The following CCSER1 variants were observed in gnomAD, a reference collection of about 807,000 sequenced individuals.
CCSER1 encodes serine-rich coiled-coil domain-containing protein 1.
A neutral mutation model predicts 82.0 loss-of-function variants in CCSER1; 41 were observed. That is an observed-to-expected ratio of 0.50 (90% CI 0.39 to 0.65). CCSER1 has a LOEUF of 0.65. Ranked by LOEUF, CCSER1 falls within the 30% of genes least tolerant of loss-of-function variation. The pLI is 0.00. For synonymous variants in CCSER1, 414 were observed against 383.9 expected (o/e 1.08, Z -0.92); for missense variants, 1,119 against 1,064.2 (o/e 1.05, Z -0.72).
chr4:90,325,686 G>GT (rs1424278175), intron 3 of CCSER1: 10 of 440,318 alleles, frequency 2.3e-5, no homozygotes, highest in Middle Eastern at 3.3e-4. Context: ...CTGTTCTGAG[G>GT]TGACAGTCAC....
At chr4:90,241,830 A>G (rs978521172) in intron 1 of CCSER1, among the ~76,000 whole-genome samples, 17 of 152,234 alleles carry the variant, frequency 1.1e-4, no homozygotes, top group Non-Finnish European at 2.5e-4. Context: ...AAAATAGGTG[A>G]TGCTATAAAA....
intron 10 of CCSER1, among the ~76,000 whole-genome samples, chr4:91,332,348 C>A (rs925925887): frequency 6.6e-6 from 1 of 151,632 alleles, no homozygotes; most frequent in African/African-American, 2.4e-5. Context: ...GGAGTGCTTA[C>A]AAACCCTGTG....
At chr4:90,146,790 G>A (rs1408692982) in intron 1 of CCSER1, among the ~76,000 whole-genome samples, 1 of 151,938 alleles carries the variant, frequency 6.6e-6, no homozygotes, top group African/African-American at 2.4e-5. Context: ...TTGAAGATGT[G>A]GCATTACTTT....
intron 9 of CCSER1, among the ~76,000 whole-genome samples, chr4:90,985,439 A>G (rs1028210860): frequency 6.6e-6 from 1 of 151,766 alleles, no homozygotes; most frequent in Admixed American, 6.6e-5. Flanking sequence ...CAAAACTGTA[A>G]AGGGCTAATG....
At chr4:91,274,949 CA>C (rs36102296) in intron 10 of CCSER1, among the ~76,000 whole-genome samples, 7 of 151,254 alleles carry the variant, frequency 4.6e-5, no homozygotes, top group Admixed American at 1.3e-4. Flanking sequence ...ACTAAAAATA[CA>C]AAAAAAATAG....
At chr4:91,081,022 A>T (rs1304284560) in intron 9 of CCSER1, among the ~76,000 whole-genome samples, 1 of 152,236 alleles carries the variant, frequency 6.6e-6, no homozygotes, top group Non-Finnish European at 1.5e-5. Flanking sequence ...TATTCCAATC[A>T]ATAGAAAAAG....
At chr4:91,571,717 G>A (rs1228225480) in intron 10 of CCSER1, among the ~76,000 whole-genome samples, 1 of 152,138 alleles carries the variant, frequency 6.6e-6, no homozygotes, top group African/African-American at 2.4e-5. Context: ...TTTGAGTGGG[G>A]ACACAGCTAA....
intron 9 of CCSER1, among the ~76,000 whole-genome samples, chr4:90,979,896 C>T (rs2150417943): frequency 6.6e-6 from 1 of 151,860 alleles, no homozygotes; most frequent in South Asian, 2.1e-4. Flanking sequence ...ACTGATATAG[C>T]ACCATTGTAG....
chr4:91,384,688 G>C (rs1156297150), intron 10 of CCSER1, among the ~76,000 whole-genome samples: 1 of 151,984 alleles, frequency 6.6e-6, no homozygotes, highest in East Asian at 1.9e-4. Flanking sequence ...TCAATATTCA[G>C]ATGCAACAAA....
At chr4:90,270,110 G>C (rs1725976353) in intron 1 of CCSER1, among the ~76,000 whole-genome samples, 1 of 151,928 alleles carries the variant, frequency 6.6e-6, no homozygotes, top group Admixed American at 6.6e-5. Flanking sequence ...GCTAATACCA[G>C]TCCCACTGCA....
chr4:90,483,219 T>A (rs891003051), intron 5 of CCSER1, among the ~76,000 whole-genome samples: 54 of 152,228 alleles, frequency 3.5e-4, no homozygotes, highest in Non-Finnish European at 5.1e-4. Flanking sequence ...GTTTTCCGTT[T>A]GCTTGGCAGA....
chr4:90,534,768 A>G (rs1214166962), intron 5 of CCSER1, among the ~76,000 whole-genome samples: 3 of 152,200 alleles, frequency 2.0e-5, no homozygotes, highest in Non-Finnish European at 4.4e-5. Flanking sequence ...TTATTACTAT[A>G]GAGTATTTTT....
intron 9 of CCSER1, among the ~76,000 whole-genome samples, chr4:90,986,140 A>T (rs562289757): frequency 6.6e-6 from 1 of 151,752 alleles, no homozygotes; most frequent in Non-Finnish European, 1.5e-5. Flanking sequence ...CATGTTAAGT[A>T]TATCTTAATC....
intron 8 of CCSER1, among the ~76,000 whole-genome samples, chr4:90,903,401 T>A (rs1724962466): frequency 6.6e-6 from 1 of 152,112 alleles, no homozygotes. Context: ...TTCTGAGGCC[T>A]CCTCAGCCGT....
Position 90,341,027 on chromosome 4 carries a change from T to A in CCSER1, c.1509+27980T>A, listed in dbSNP as rs902675175. Among the ~76,000 whole-genome samples the A allele has an allele frequency of 3.3e-5, 5 of 152,124 alleles. No individual in the cohort carries two copies. The East Asian group carries it at 9.7e-4, about 29-fold the overall frequency. On this transcript the variant is annotated intron_variant, in intron 3 of 10. Coordinates refer to ENST00000509176, the MANE Select transcript of CCSER1 (RefSeq NM_001145065.2). ...TCAAGACATGAATAACAGTAATGAGTTTTCGCTGTAAAGAGAGCTGTGATA... is the reference window on the plus strand; with the variant it reads ...TCAAGACATGAATAACAGTAATGAGATTTCGCTGTAAAGAGAGCTGTGATA...
chr4:90,360,672 T>C (rs1262977695), intron 3 of CCSER1, among the ~76,000 whole-genome samples: 4 of 151,922 alleles, frequency 2.6e-5, no homozygotes, highest in Non-Finnish European at 4.4e-5. Flanking sequence ...ATGGTCTTTG[T>C]CTGGTGAGGT....
In CCSER1 at chr4:90,697,084, C is replaced by T. The variant is rs189248029; in HGVS notation, c.1933-26830C>T. Among the ~76,000 whole-genome samples the T allele has an allele frequency of 3.0e-3, 455 of 152,212 alleles. 2 individuals carry two copies. Among genetic ancestry groups the T allele is most frequent in the Non-Finnish European group, 5.4e-3 (365 of 68,010 alleles). ...GCAAAGAGCTATGAGACTGTGGCTG[C>T]GTGTAAGGAACTAAGCAGGTTCTTC... On this transcript the variant is annotated intron_variant, in intron 6 of 10. Transcript: ENST00000509176.
intron 3 of CCSER1, among the ~76,000 whole-genome samples, chr4:90,390,021 G>T (rs930997122): frequency 6.6e-6 from 1 of 151,992 alleles, no homozygotes; most frequent in African/African-American, 2.4e-5. Context: ...ATAAAATCTA[G>T]ATATATTACC....
At chr4:91,260,827 C>T (rs566284558) in intron 10 of CCSER1, among the ~76,000 whole-genome samples, 3 of 152,046 alleles carry the variant, frequency 2.0e-5, no homozygotes, top group Non-Finnish European at 4.4e-5. Context: ...ATGGCGCGAT[C>T]TCGGCTCACT....
Sources: gnomAD v4.1 joint callset for allele counts (sites outside exome capture counted in the v4.1 genomes callset) on GRCh38, gnomAD v4.1.1 for gene constraint, MANE v1.5 for transcripts, NCBI Gene and HGNC (gene_info 2026-07-23, HGNC 2026-07-21) for gene names.